Variants in ZNF527 observed in about 807,000 individuals in gnomAD.
ZNF527 encodes zinc finger protein 527.
Under a neutral mutation model 13.5 loss-of-function variants are expected in ZNF527, and 5 were observed. The ratio of observed to expected loss-of-function variants is 0.37; its 90% CI spans 0.19 to 0.78. The LOEUF is 0.78. Among genes scored for constraint, ZNF527 ranks in the 30% least tolerant of loss-of-function variants. The probability of loss-of-function intolerance (pLI) is 0.48; values close to 1 mark genes in which losing one functional copy is unlikely to be tolerated. For missense variants in ZNF527, 628 were observed against 726.4 expected (o/e 0.86, Z 1.56); for synonymous variants, 209 against 243.1 (o/e 0.86, Z 1.30).
At chr19:37,373,063 G>C (rs1285499802) in intron 1 of ZNF527, among the ~76,000 whole-genome samples, 1 of 152,178 alleles carries the variant, frequency 6.6e-6, no homozygotes, top group South Asian at 2.1e-4. Context: ...CTTTGAGTTG[G>C]TTGTTTAAGC....
chr19:37,385,482 A>T, intron 4 of ZNF527: 1 of 397,158 alleles, frequency 2.5e-6, no homozygotes, highest in Non-Finnish European at 4.4e-6. Flanking sequence ...ATTTTGGTGG[A>T]AGAAAGGTAT....
Position 37,390,033 on chromosome 19 carries a change from A to ACTT in ZNF527, c.*155_*157dup. 1.1e-6 allele frequency: 1 copy of ACTT among 912,214 alleles called. No individual in the cohort carries two copies. The highest frequency in any genetic ancestry group is 3.0e-5 in the East Asian group (1 of 33,420). The allele number at this position is 912,214 out of a possible 1,614,324, so 56.5% of individuals were successfully genotyped here. A position where few individuals can be genotyped will look rare whatever the true frequency, so the allele number is the denominator to read the frequency against. On this transcript the variant is annotated 3_prime_UTR_variant, in exon 5 of 5. Transcript: ENST00000436120. ...AGTAGCTCAGTAGTAGACATCTGTT[A>ACTT]CTTTTTTTTTTTTCAGACAGAGTCT...
At chr19:37,376,962 TA>T (rs779002508) in intron 2 of ZNF527, among the ~76,000 whole-genome samples, 23 of 152,208 alleles carry the variant, frequency 1.5e-4, no homozygotes, top group Admixed American at 3.9e-4. Flanking sequence ...TTTTTCTATT[TA>T]TTTTTTTCTT....
chr19:37,376,316 C>T (rs545779656), intron 2 of ZNF527, among the ~76,000 whole-genome samples: 3 of 151,944 alleles, frequency 2.0e-5, no homozygotes, highest in South Asian at 2.1e-4. Flanking sequence ...ATGTGGTACA[C>T]ATTACAGCCT....
Position 37,392,341 on chromosome 19 carries a change from C to T in ZNF527, c.*2462C>T, listed in dbSNP as rs2040761375. On this transcript the variant is annotated 3_prime_UTR_variant, in exon 5 of 5. Transcript: ENST00000436120. ...CTTTACCAAACTTGAAGAAGAATGA[C>T]TCAGATCAGTAAGAAGAGTCTGAGT... 1.3e-5 allele frequency: 2 copies of T among 152,076 alleles called. No individual in the cohort carries two copies. Among genetic ancestry groups the T allele is most frequent in the African/African-American group, 2.4e-5 (1 of 41,422 alleles). The allele number at this position is 152,076 out of a possible 1,614,324, so 9.4% of individuals were successfully genotyped here.
chr19:37,388,845 A>T lies in ZNF527; in HGVS notation c.796A>T (p.Thr266Ser). 1.9e-6 allele frequency: 3 copies of T among 1,614,094 alleles called. No homozygotes were observed. The highest frequency in any genetic ancestry group is 2.5e-6 in the Non-Finnish European group (3 of 1,180,022). ...CCACTCATTATTTACTCAACATCAG[A>T]CCACTCATTTTGGAAAATTACCCCA... ...SFHSLFTQHQ[T>S]THFGKLPHGY... The change falls in exon 5 of 5, where the codon ACC (threonine) becomes TCC (serine). Residue 266 changes from threonine to serine, a missense_variant. Around this residue, in one of 3 missense-constraint regions of ZNF527, gnomAD observed 592 missense variants for 678.0 expected, o/e 0.87. Transcript: ENST00000436120.
At chr19:37,382,413 A>G (rs997328384) in intron 4 of ZNF527, among the ~76,000 whole-genome samples, 4 of 152,132 alleles carry the variant, frequency 2.6e-5, no homozygotes, top group African/African-American at 9.7e-5. Flanking sequence ...TACTAAAACT[A>G]TCAGTTTATA....
At chr19:37,371,725 TTTGTGTGTGA>T (rs923709038) in intron 1 of ZNF527, among the ~76,000 whole-genome samples, 5 of 152,206 alleles carry the variant, frequency 3.3e-5, no homozygotes, top group Non-Finnish European at 2.9e-5. Context: ...GGTATGCTAC[TTTGTGTGTGA>T]TTGTGTGTGA....
At chr19:37,388,066 C>A (rs768307225) in intron 4 of ZNF527, among the ~76,000 whole-genome samples, 3 of 152,170 alleles carry the variant, frequency 2.0e-5, no homozygotes, top group Non-Finnish European at 2.9e-5. Flanking sequence ...TGCATTTTAC[C>A]TGTGTCCCCA....
At chr19:37,374,059 A>G (rs978644130) in intron 1 of ZNF527, 99 bp from the exon 2 acceptor site, 1 of 777,016 alleles carries the variant, frequency 1.3e-6, no homozygotes, top group Non-Finnish European at 2.2e-6. Context: ...AGGCTGGCCC[A>G]TGTAGGGAGA....
rs1216324411 is a variant in ZNF527 at position 37,391,888 on chromosome 19, T to G, written c.*2009T>G. The G allele has an allele frequency of 6.6e-6, 1 of 152,110 alleles. No individual in the cohort carries two copies. The highest frequency in any genetic ancestry group is 1.5e-5 in the Non-Finnish European group (1 of 68,018). 9.4% of individuals were successfully genotyped at this position (152,110 alleles called of 1,614,324 possible). A position where few individuals can be genotyped will look rare whatever the true frequency, so the allele number is the denominator to read the frequency against. On this transcript the variant is annotated 3_prime_UTR_variant, in exon 5 of 5. Coordinates refer to ENST00000436120, the MANE Select transcript of ZNF527 (RefSeq NM_032453.2). Reference sequence around the variant, plus strand: ...CTTGAATAGTGAGAACCAGTAAGAATATTGGGTATTGCCTGAAGAGCATCT... The same window carrying G: ...CTTGAATAGTGAGAACCAGTAAGAAGATTGGGTATTGCCTGAAGAGCATCT...
intron 4 of ZNF527, among the ~76,000 whole-genome samples, chr19:37,383,148 T>TAA (rs2040668452): frequency 6.6e-6 from 1 of 152,196 alleles, no homozygotes; most frequent in South Asian, 2.1e-4. Flanking sequence ...AGGTCAGAAG[T>TAA]AAAAAGTAGG....
chr19:37,378,886 G>C (rs2040629051), intron 2 of ZNF527, among the ~76,000 whole-genome samples: 1 of 152,132 alleles, frequency 6.6e-6, no homozygotes, highest in South Asian at 2.1e-4. Flanking sequence ...CTTGTTATAA[G>C]CTAATTTTGT....
chr19:37,388,334 A>G lies in ZNF527; in HGVS notation c.285A>G (p.Glu95=). 1 of 1,613,616 alleles carries G rather than the reference A, an allele frequency of 6.2e-7. No individual in the cohort carries two copies. The highest frequency in any genetic ancestry group is 8.5e-7 in the Non-Finnish European group (1 of 1,179,664). ...GGGAGTCTTGGTGTGAAATTGAGGA[A>G]TTATCTCCAAAATGGTTCATTGATG... ...ADWESWCEIE[E]LSPKWFIDED... is the part of the protein sequence containing the mutation. The change falls in exon 5 of 5, where the codon GAA becomes GAG. Residue 95 remains glutamate (E), a synonymous_variant. Transcript: ENST00000436120.
intron 1 of ZNF527, among the ~76,000 whole-genome samples, chr19:37,372,537 A>G (rs757063130): frequency 8.8e-5 from 12 of 137,090 alleles, no homozygotes; most frequent in Non-Finnish European, 1.7e-4. Flanking sequence ...CAGTGGTGCA[A>G]TCTCGGCTCA....
chr19:37,372,658 A>C (rs2146802059), intron 1 of ZNF527, among the ~76,000 whole-genome samples: 1 of 151,362 alleles, frequency 6.6e-6, no homozygotes, highest in East Asian at 2.0e-4. Context: ...CTTTTTGAGG[A>C]GATGGGGTTT....
At chr19:37,375,960 G>A (rs2040604190) in intron 2 of ZNF527, among the ~76,000 whole-genome samples, 1 of 152,196 alleles carries the variant, frequency 6.6e-6, no homozygotes. Context: ...GTTGGATTTG[G>A]TAACATGGAA....
At chr19:37,376,057 G>A (rs574147261) in intron 2 of ZNF527, among the ~76,000 whole-genome samples, 4 of 152,192 alleles carry the variant, frequency 2.6e-5, no homozygotes, top group Admixed American at 2.0e-4. Context: ...GCCGGGTGCG[G>A]TGGCTTATGG....
At chr19:37,371,496 T>C (rs923621604) in intron 1 of ZNF527, among the ~76,000 whole-genome samples, 1 of 152,194 alleles carries the variant, frequency 6.6e-6, no homozygotes, top group Non-Finnish European at 1.5e-5. Context: ...TGTGTGTGAC[T>C]GTCTCTGCAG....
Sources: allele counts gnomAD v4.1 joint callset (sites outside exome capture counted in the v4.1 genomes callset), GRCh38; gene constraint gnomAD v4.1.1; regional missense constraint gnomAD v4.1.1; transcripts MANE v1.5; gene names NCBI Gene and HGNC (gene_info 2026-07-23, HGNC 2026-07-21).